Variants in SPATA20 observed in about 807,000 individuals in gnomAD.
SPATA20 encodes spermatogenesis associated 20.
SPATA20 carries 74 observed loss-of-function variants against 98.9 expected under a neutral mutation model. That is an observed-to-expected ratio of 0.75 (90% confidence interval 0.62 to 0.91). The LOEUF (loss-of-function observed/expected upper bound fraction) is 0.91, where lower values mean the gene tolerates loss of function less well. Ranked by LOEUF, SPATA20 falls within the 40% of genes least tolerant of loss-of-function variation. SPATA20 has a pLI of 0.00. For synonymous variants in SPATA20, 430 were observed against 440.5 expected (o/e 0.98, Z 0.30); for missense variants, 1,016 against 1,069.8 (o/e 0.95, Z 0.70).
intron 7 of SPATA20, among the ~76,000 whole-genome samples, chr17:50,549,759 AG>A (rs1341544949): frequency 6.6e-6 from 1 of 152,190 alleles, no homozygotes; most frequent in Non-Finnish European, 1.5e-5. Context: ...TCTGGGCTCT[AG>A]GGGGACAAGT....
intron 13 of SPATA20, 127 bp from the exon 14 acceptor site, chr17:50,551,842 T>G (rs2035021446): frequency 8.5e-7 from 1 of 1,180,532 alleles, no homozygotes; most frequent in African/African-American, 1.5e-5. Flanking sequence ...GGAAGTGGGC[T>G]GATGGCACCT....
chr17:50,551,005 A>G lies in SPATA20; in HGVS notation c.1391A>G (p.Lys464Arg). Reference sequence around the variant, plus strand: ...AAAGGCCATTCTCCTCAGGACCCCAAGGGGGAGCTGCAGGGCCAGAATGTG... The same window carrying G: ...AAAGGCCATTCTCCTCAGGACCCCAGGGGGGAGCTGCAGGGCCAGAATGTG... ...AGNISPSQDP[K>R]GELQGQNVLT... is the part of the protein sequence containing the mutation. Residue 464 changes from lysine (K) to arginine (R), a missense_variant, in exon 12 of 17, where the codon AAG (lysine) becomes AGG (arginine). Lys to Arg is a conservative substitution (Grantham distance 26, BLOSUM62 2). Coordinates refer to ENST00000006658, the MANE Select transcript of SPATA20 (RefSeq NM_022827.4). The G allele has an allele frequency of 6.2e-7, 1 of 1,613,270 alleles. No individual in the cohort carries two copies. The highest frequency in any genetic ancestry group is 1.1e-5 in the South Asian group (1 of 91,086).
chr17:50,551,896 A>G, intron 13 of SPATA20, 73 bp from the exon 14 acceptor site: 3 of 1,400,140 alleles, frequency 2.1e-6, no homozygotes, highest in African/African-American at 1.4e-5. Flanking sequence ...CAAATGCGTG[A>G]AAGGGCCTCC....
At position 50,550,754 on chromosome 17, in the gene SPATA20, G is replaced by A. The variant is rs771622998; in HGVS notation, c.1220G>A (p.Arg407Gln). The A allele has an allele frequency of 1.4e-5, 22 of 1,613,100 alleles. No homozygotes were observed. The highest frequency in any genetic ancestry group is 2.2e-5 in the East Asian group (1 of 44,900). Residue 407 changes from arginine (R) to glutamine (Q), a missense_variant, in exon 11 of 17, where the codon CGG becomes CAG. Arg to Gln is a conservative substitution (Grantham distance 43). Transcript: ENST00000006658. ...GAAGATGCAGACTCGCCCCCAGAGC[G>A]GGGCCAGCGGCCCAAAGAGGGCGCC... ...SAEDADSPPE[R>Q]GQRPKEGAYY...
At position 50,551,084 on chromosome 17, in the gene SPATA20, G is replaced by T; in HGVS notation, c.1470G>T (p.Val490=). 2 of 1,613,214 alleles carry T rather than the reference G, an allele frequency of 1.2e-6. No homozygotes were observed. Among genetic ancestry groups the T allele is most frequent in the Non-Finnish European group, 1.7e-6 (2 of 1,180,018 alleles). Residue 490 remains valine (V), a synonymous_variant, in exon 12 of 17, where the codon GTG becomes GTT. Coordinates refer to ENST00000006658, the MANE Select transcript of SPATA20 (RefSeq NM_022827.4). Reference sequence around the variant, plus strand: ...CTGCTGCCCGCTTTGGCTTGGATGTGGAGGCCGTGCGGACCTTGCTCAATT... The same window carrying T: ...CTGCTGCCCGCTTTGGCTTGGATGTTGAGGCCGTGCGGACCTTGCTCAATT... ...ELTAARFGLD[V]EAVRTLLNSG...
rs151234453 is a variant in SPATA20, at chr17:50,552,014, G to A, written c.1791G>A (p.Val597=). 10 of 1,612,808 alleles carry A rather than the reference G, an allele frequency of 6.2e-6. No homozygotes were observed. Among genetic ancestry groups the A allele is most frequent in the Non-Finnish European group, 8.5e-6 (10 of 1,179,598 alleles). The change falls in exon 14 of 17, where the codon GTG becomes GTA. Residue 597 remains valine, a synonymous_variant. Transcript: ENST00000006658. Reference sequence around the variant, plus strand: ...TCCTGGAGGACTACGCCTTCGTGGTGCGGGGCCTGCTGGACCTGTATGAGG... The same window carrying A: ...TCCTGGAGGACTACGCCTTCGTGGTACGGGGCCTGCTGGACCTGTATGAGG... The part of the protein sequence containing the change: ...WGFLEDYAFV[V]RGLLDLYEAS...
rs1261418651 is a variant in SPATA20, at chr17:50,555,530, G to A, written c.2277G>A (p.Leu759=). Reference sequence around the variant, plus strand: ...CTGATGGGGACCCCTCGAGCTTCCTGTCCCGCCAGCTGCCTTTCCTGAGTA... The same window carrying A: ...CTGATGGGGACCCCTCGAGCTTCCTATCCCGCCAGCTGCCTTTCCTGAGTA... ...ILADGDPSSF[L]SRQLPFLSTL... is the part of the protein sequence containing the mutation. Residue 759 remains leucine (L), a synonymous_variant, in exon 17 of 17, where the codon CTG becomes CTA. Coordinates refer to ENST00000006658, the MANE Select transcript of SPATA20 (RefSeq NM_022827.4). 1 of 1,613,996 alleles carries A rather than the reference G, an allele frequency of 6.2e-7. No individual in the cohort carries two copies. The highest frequency in any genetic ancestry group is 2.2e-5 in the East Asian group (1 of 44,862).
chr17:50,551,940 C>T (rs763103500), intron 13 of SPATA20, 29 bp from the exon 14 acceptor site: 176 of 1,539,020 alleles, frequency 1.1e-4, no homozygotes, highest in Non-Finnish European at 1.4e-4. Context: ...GGGCTCTCCC[C>T]AGCCCCTCCC....
Position 50,548,795 on chromosome 17 carries a change from C to T in SPATA20, c.362-15C>T. ...CGTTGCTGGCCCCCTGACCTCTCCC[C>T]ATGGCCCTGTTCAGTCGGGTACTCC... is the stretch of plus-strand genomic sequence containing the variant. On this transcript the variant is annotated splice_polypyrimidine_tract_variant and intron_variant, in intron 4 of 16. Coordinates refer to ENST00000006658, the MANE Select transcript of SPATA20 (RefSeq NM_022827.4). The T allele has an allele frequency of 6.2e-7, 1 of 1,607,980 alleles. No homozygotes were observed. The highest frequency in any genetic ancestry group is 8.5e-7 in the Non-Finnish European group (1 of 1,176,716).
intron 4 of SPATA20, 31 bp from the exon 5 acceptor site, chr17:50,548,779 C>A: frequency 6.2e-7 from 1 of 1,600,290 alleles, no homozygotes. Flanking sequence ...CCGTTGCTGG[C>A]CCCCTGACCT....
Position 50,554,382 on chromosome 17 carries a change from C to T in SPATA20, c.2089C>T (p.Arg697Cys), listed in dbSNP as rs758160692. The change falls in exon 15 of 17, where the codon CGT becomes TGT. Residue 697 changes from arginine to cysteine, a missense_variant. Arg to Cys is a radical substitution (Grantham distance 180). Transcript: ENST00000006658. ...CLLTAFSERM[R>C]RVPVALPEMV... ...ATTGACCGCCTTTTCCGAGCGCATGCGTCGTGTCCCGGTGGCGTTGCCCGA... is the reference window on the plus strand; with the variant it reads ...ATTGACCGCCTTTTCCGAGCGCATGTGTCGTGTCCCGGTGGCGTTGCCCGA... 4.3e-6 allele frequency: 7 copies of T among 1,613,986 alleles called. No individual in the cohort carries two copies. The African/African-American group carries it at 6.7e-5, about 15-fold the overall frequency.
At chr17:50,548,643 T>G (rs1037637854) in intron 4 of SPATA20, 25 bp downstream of exon 4, 2 of 1,609,734 alleles carry the variant, frequency 1.2e-6, no homozygotes, top group South Asian at 2.2e-5. Flanking sequence ...TTCCCTGATG[T>G]GGGGGTGTGG....
At chr17:50,548,775 C>A in intron 4 of SPATA20, 35 bp from the exon 5 acceptor site, 1 of 1,599,506 alleles carries the variant, frequency 6.3e-7, no homozygotes, top group South Asian at 1.1e-5. Context: ...TGACCCGTTG[C>A]TGGCCCCCTG....
In SPATA20 at chr17:50,548,393, A is replaced by G. The variant is rs754946991; in HGVS notation, c.236A>G (p.Asn79Ser). ...TCATCTACACCCCAGAGGGTCCCCA[A>G]CCGCCTGATCCACGAGAAGTCACCA... ...HPSSTPQRVP[N>S]RLIHEKSPYL... is the part of the protein sequence containing the mutation. Residue 79 changes from asparagine to serine, a missense_variant, in exon 3 of 17, where the codon AAC becomes AGC. Physicochemically the swap from Asn to Ser is conservative, Grantham distance 46 (BLOSUM62 1). Coordinates refer to ENST00000006658, the MANE Select transcript of SPATA20 (RefSeq NM_022827.4). 30 of 1,613,862 alleles carry G rather than the reference A, an allele frequency of 1.9e-5. No homozygotes were observed. The highest frequency in any genetic ancestry group is 2.7e-5 in the African/African-American group (2 of 74,912).
chr17:50,551,760 T>A (rs1396099752), intron 13 of SPATA20, 81 bp downstream of exon 13: 1 of 1,450,076 alleles, frequency 6.9e-7, no homozygotes, highest in Non-Finnish European at 9.3e-7. Context: ...CCCCTCCATG[T>A]GGACTCCAGT....
At chr17:50,549,914 C>A in intron 7 of SPATA20, 71 bp from the exon 8 acceptor site, 1 of 1,496,960 alleles carries the variant, frequency 6.7e-7, no homozygotes, top group Non-Finnish European at 8.9e-7. Flanking sequence ...TGGCCCAAGG[C>A]CTCCTGACCA....
chr17:50,547,375 A>T (rs1003057351), intron 1 of SPATA20, 90 bp downstream of exon 1: 31 of 1,127,214 alleles, frequency 2.8e-5, no homozygotes, highest in Non-Finnish European at 3.0e-5. Flanking sequence ...CCCCAGTGCC[A>T]GTCTGGACCA....
chr17:50,555,187 C>A (rs1247729681), intron 15 of SPATA20, 45 bp from the exon 16 acceptor site: 15 of 1,545,424 alleles, frequency 9.7e-6, no homozygotes, highest in Non-Finnish European at 1.3e-5. Context: ...AGGGCTCAGC[C>A]CTCCCTCCCC....
Position 50,550,736 on chromosome 17 carries a change from C to G in SPATA20, c.1202C>G (p.Ala401Gly), listed in dbSNP as rs1180492571. The stretch of plus-strand genomic sequence containing the variant: ...GGAGGCTTCTATAGCGCAGAAGATG[C>G]AGACTCGCCCCCAGAGCGGGGCCAG... Reference protein sequence around the residue: ...RSGGFYSAEDADSPPERGQRP... With the variant: ...RSGGFYSAEDGDSPPERGQRP... Residue 401 changes from alanine to glycine, a missense_variant, in exon 11 of 17, where the codon GCA (alanine) becomes GGA (glycine). Coordinates refer to ENST00000006658, the MANE Select transcript of SPATA20 (RefSeq NM_022827.4). The G allele has an allele frequency of 6.2e-7, 1 of 1,613,236 alleles. No individual in the cohort carries two copies. The highest frequency in any genetic ancestry group is 1.1e-5 in the South Asian group (1 of 91,086).
Sources: gnomAD v4.1 joint callset for allele counts (sites outside exome capture counted in the v4.1 genomes callset) on GRCh38, gnomAD v4.1.1 for gene constraint, MANE v1.5 for transcripts, NCBI Gene and HGNC (gene_info 2026-07-23, HGNC 2026-07-21) for gene names.